Variants in PTGER3 observed in about 807,000 individuals in gnomAD.
The protein encoded by PTGER3 is prostaglandin E receptor 3.
Under a neutral mutation model 34.7 loss-of-function variants are expected in PTGER3, and 22 were observed. The ratio of observed to expected loss-of-function variants is 0.63; its 90% CI spans 0.45 to 0.91. The LOEUF (loss-of-function observed/expected upper bound fraction) is 0.91, where lower values mean the gene tolerates loss of function less well. Ranked by LOEUF, PTGER3 falls within the 40% of genes least tolerant of loss-of-function variation. The probability of loss-of-function intolerance (pLI) is 0.00; values close to 1 mark genes in which losing one functional copy is unlikely to be tolerated. For missense variants in PTGER3, 468 were observed against 519.4 expected (o/e 0.90, Z 0.96); for synonymous variants, 241 against 230.1 (o/e 1.05, Z -0.43).
chr1:70,950,624 A>C (rs934047735), downstream of PTGER3: 1 of 152,238 alleles, frequency 6.6e-6, no homozygotes, highest in Non-Finnish European at 1.5e-5. Context: ...ACAGAGAGCT[A>C]AAACTGATTT....
intron 1 of PTGER3, among the ~76,000 whole-genome samples, chr1:71,031,340 G>A (rs1379891707): frequency 6.6e-6 from 1 of 151,702 alleles, no homozygotes; most frequent in East Asian, 1.9e-4. Context: ...CTATTATAAT[G>A]TTTCTACGAA....
At chr1:71,007,897 A>T (rs750294742) in intron 2 of PTGER3, 3 of 985,340 alleles carry the variant, frequency 3.0e-6, no homozygotes, top group Non-Finnish European at 3.6e-6. Context: ...ATCTCCAAAA[A>T]TGCTCAAAAA....
chr1:70,969,734 G>A (rs1171265396), downstream of PTGER3, among the ~76,000 whole-genome samples: 2 of 152,150 alleles, frequency 1.3e-5, no homozygotes, highest in Admixed American at 1.3e-4. Flanking sequence ...GCATCCAAAG[G>A]ATGGTTGGGG....
At chr1:70,948,702 A>T (rs1384173806), downstream of PTGER3, among the ~76,000 whole-genome samples, 1 of 152,124 alleles carries the variant, frequency 6.6e-6, no homozygotes, top group Non-Finnish European at 1.5e-5. Context: ...ATTTTTTTTA[A>T]TTATACAGAA....
intron 4 of PTGER3, among the ~76,000 whole-genome samples, chr1:70,938,059 A>G (rs1649399983): frequency 6.6e-6 from 1 of 152,152 alleles, no homozygotes; most frequent in Non-Finnish European, 1.5e-5. Context: ...CTATTTTGAA[A>G]TACTGTTTAC....
intron 4 of PTGER3, among the ~76,000 whole-genome samples, chr1:70,889,757 C>T (rs1281070083): frequency 6.6e-6 from 1 of 152,176 alleles, no homozygotes; most frequent in Non-Finnish European, 1.5e-5. Flanking sequence ...GCTGATATGA[C>T]ATCTAGGTAA....
chr1:70,964,384 C>T (rs530233624), intron 2 of PTGER3, among the ~76,000 whole-genome samples: 31 of 152,250 alleles, frequency 2.0e-4, no homozygotes, highest in African/African-American at 6.0e-4. Flanking sequence ...ATAGCTAAAA[C>T]GGGCAATCTA....
chr1:70,997,132 C>T (rs138405933), intron 2 of PTGER3: 5,211 of 152,184 alleles, frequency 0.034, 127 homozygotes, highest in Non-Finnish European at 0.048. Flanking sequence ...ATTAGCTGAG[C>T]TTGGTGGTGC....
At chr1:71,014,262 A>G (rs1473908402) in intron 1 of PTGER3, among the ~76,000 whole-genome samples, 1 of 152,092 alleles carries the variant, frequency 6.6e-6, no homozygotes, top group African/African-American at 2.4e-5. Context: ...AGCATCCAAA[A>G]CATCCCTAAC....
At chr1:70,922,937 G>A (rs1489156150) in intron 4 of PTGER3, among the ~76,000 whole-genome samples, 1 of 152,104 alleles carries the variant, frequency 6.6e-6, no homozygotes, top group Non-Finnish European at 1.5e-5. Flanking sequence ...TGTAAATTGA[G>A]CATTAGAATA....
At chr1:71,012,550 T>C in intron 1 of PTGER3, 66 bp from the exon 2 acceptor site, 3 of 1,370,560 alleles carry the variant, frequency 2.2e-6, no homozygotes, top group Non-Finnish European at 3.0e-6. Flanking sequence ...CTCTACACTG[T>C]ACTTTGCACA....
chr1:70,942,091 A>C (rs1248687699), intron 4 of PTGER3, among the ~76,000 whole-genome samples: 2 of 152,122 alleles, frequency 1.3e-5, no homozygotes, highest in Non-Finnish European at 2.9e-5. Context: ...ATAACCCAGC[A>C]ACCAGGAGAG....
intron 1 of PTGER3, among the ~76,000 whole-genome samples, chr1:71,013,599 G>A (rs1242545756): frequency 3.9e-5 from 6 of 151,952 alleles, no homozygotes; most frequent in Non-Finnish European, 1.5e-5. Flanking sequence ...CTACTCAGGA[G>A]GCTGAGGCAG....
chr1:71,013,735 T>C (rs1380201231), intron 1 of PTGER3, among the ~76,000 whole-genome samples: 2 of 151,116 alleles, frequency 1.3e-5, no homozygotes, highest in Admixed American at 6.6e-5. Flanking sequence ...AAATTGGAAC[T>C]ATTTCACCTG....
intron 1 of PTGER3, among the ~76,000 whole-genome samples, chr1:71,019,285 A>G (rs1658189704): frequency 6.6e-6 from 1 of 152,198 alleles, no homozygotes; most frequent in East Asian, 1.9e-4. Flanking sequence ...TTTAGCAAAC[A>G]CACATATACC....
Position 70,989,619 on chromosome 1 carries a change from C to T in PTGER3, c.1078-15231G>A, listed in dbSNP as rs144790385. On this transcript the variant is annotated intron_variant, in intron 2 of 3. Coordinates refer to ENST00000306666, the MANE Select transcript of PTGER3 (RefSeq NM_198719.2). Reference sequence around the variant, plus strand: ...TTATTTTGAAACTAGCTGAGAAGCACTTGGACTGAGACTGAAAATAAAAAT... The same window carrying T: ...TTATTTTGAAACTAGCTGAGAAGCATTTGGACTGAGACTGAAAATAAAAAT... Among the ~76,000 whole-genome samples the T allele has an allele frequency of 9.2e-5, 14 of 152,244 alleles. No homozygotes were observed. In the East Asian group the frequency reaches 2.7e-3, roughly 29 times the overall value.
intron 4 of PTGER3, among the ~76,000 whole-genome samples, chr1:70,856,553 A>G (rs1435444450): frequency 6.6e-6 from 1 of 152,224 alleles, no homozygotes; most frequent in East Asian, 1.9e-4. Flanking sequence ...AACTAAAGCA[A>G]AACAATCAAT....
intron 2 of PTGER3, among the ~76,000 whole-genome samples, chr1:70,988,390 T>C (rs923378513): frequency 6.6e-6 from 1 of 152,190 alleles, no homozygotes; most frequent in Admixed American, 6.5e-5. Flanking sequence ...ATGAGGTGGA[T>C]ACCGACTAAA....
intron 1 of PTGER3, among the ~76,000 whole-genome samples, chr1:71,033,210 A>G (rs1331425822): frequency 6.6e-6 from 1 of 152,126 alleles, no homozygotes; most frequent in East Asian, 1.9e-4. Context: ...GAGAGGTCCT[A>G]TTTCTTGTCA....
Sources: allele counts gnomAD v4.1 joint callset (sites outside exome capture counted in the v4.1 genomes callset), GRCh38; gene constraint gnomAD v4.1.1; transcripts MANE v1.5; gene names NCBI Gene and HGNC (gene_info 2026-07-23, HGNC 2026-07-21).